RAD52: variants seen among roughly 807,000 people sequenced by gnomAD.
RAD52 encodes RAD52 DNA repair protein, also known as DNA repair protein RAD52 homolog.
A neutral mutation model predicts 55.5 loss-of-function variants in RAD52; 47 were observed. That is an observed-to-expected ratio of 0.85 (90% CI 0.67 to 1.08). The LOEUF (loss-of-function observed/expected upper bound fraction) is 1.08, where lower values mean the gene tolerates loss of function less well. Ranked by LOEUF, RAD52 falls within the 50% of genes least tolerant of loss-of-function variation. The pLI, the probability that RAD52 is intolerant of heterozygous loss-of-function variation, is 0.00. For missense variants in RAD52, 468 were observed against 522.8 expected, an observed-to-expected ratio of 0.90 and a Z score of 1.02; for synonymous variants, 184 against 198.9, an observed-to-expected ratio of 0.92 and a Z score of 0.63.
chr12:943,129 C>T (rs1359968242), intron 1 of RAD52, among the ~76,000 whole-genome samples: 3 of 152,182 alleles, frequency 2.0e-5, no homozygotes, highest in African/African-American at 7.2e-5. Context: ...CCATGACACA[C>T]CACACCCATC....
At chr12:928,700 G>A (rs992095847) in intron 5 of RAD52, among the ~76,000 whole-genome samples, 1 of 151,516 alleles carries the variant, frequency 6.6e-6, no homozygotes. Context: ...TCAAAATTTT[G>A]CTGTATTTAT....
chr12:926,826 C>T (rs1025892885), intron 6 of RAD52: 48 of 1,536,702 alleles, frequency 3.1e-5, no homozygotes, highest in Middle Eastern at 1.7e-4. Context: ...CTGAGGAGCA[C>T]GGAGAGGAGG....
chr12:936,060 T>C lies in RAD52; in HGVS notation c.-18-2984A>G, dbSNP rs552150091. On this transcript the variant is annotated intron_variant, in intron 1 of 11. Coordinates refer to ENST00000358495, the MANE Select transcript of RAD52 (RefSeq NM_134424.4). ...GGCTCACACTTGTAATCCCAGCACT[T>C]TGGGAGGCCCAGGCAGGTGGATAAC... Among the ~76,000 whole-genome samples, 9 of 151,954 alleles carry C rather than the reference T, an allele frequency of 5.9e-5. No individual in the cohort carries two copies. In the East Asian group the frequency reaches 1.8e-3, roughly 30 times the overall value.
At chr12:936,397 C>T (rs1003309418) in intron 1 of RAD52, among the ~76,000 whole-genome samples, 3 of 150,644 alleles carry the variant, frequency 2.0e-5, no homozygotes, top group Non-Finnish European at 2.9e-5. Flanking sequence ...TATTTTTTGC[C>T]TTTTTTGCTC....
chr12:945,348 C>CAAA (rs202144770), intron 1 of RAD52, among the ~76,000 whole-genome samples: 2 of 139,224 alleles, frequency 1.4e-5, no homozygotes, highest in African/African-American at 2.6e-5. Context: ...GACTCTGTCT[C>CAAA]AAAAAAAAAA....
intron 1 of RAD52, among the ~76,000 whole-genome samples, chr12:960,897 G>A (rs1421305482): frequency 2.0e-5 from 3 of 152,146 alleles, no homozygotes; most frequent in Admixed American, 6.6e-5. Context: ...GAAGTCATTG[G>A]TACACAGATA....
At chr12:985,885 C>T (rs1268792842) in intron 1 of RAD52, among the ~76,000 whole-genome samples, 1 of 151,852 alleles carries the variant, frequency 6.6e-6, no homozygotes, top group Non-Finnish European at 1.5e-5. Context: ...GGTGATCCAC[C>T]CGCCTTGGCC....
chr12:938,002 G>A (rs1957727929), intron 1 of RAD52, among the ~76,000 whole-genome samples: 2 of 152,066 alleles, frequency 1.3e-5, no homozygotes, highest in African/African-American at 4.8e-5. Flanking sequence ...GTGGCAACAG[G>A]CTTGAAAACT....
chr12:966,033 G>A (rs1958762315), intron 1 of RAD52, among the ~76,000 whole-genome samples: 1 of 152,062 alleles, frequency 6.6e-6, no homozygotes, highest in African/African-American at 2.4e-5. Context: ...CTGGAGTGCA[G>A]TGGCACGATC....
At chr12:942,946 CAGGAT>C (rs980102248) in intron 1 of RAD52, among the ~76,000 whole-genome samples, 1 of 151,980 alleles carries the variant, frequency 6.6e-6, no homozygotes, top group Non-Finnish European at 1.5e-5. Flanking sequence ...GACAGGTAAC[CAGGAT>C]ATAAAGGTTA....
intron 1 of RAD52, among the ~76,000 whole-genome samples, chr12:939,143 G>A (rs929517198): frequency 6.6e-6 from 1 of 151,346 alleles, no homozygotes; most frequent in African/African-American, 2.4e-5. Flanking sequence ...GAACCTAGGT[G>A]AAGGATATGC....
chr12:966,898 C>T (rs889037898), intron 1 of RAD52, among the ~76,000 whole-genome samples: 5 of 151,676 alleles, frequency 3.3e-5, no homozygotes, highest in African/African-American at 4.9e-5. Flanking sequence ...TTTACTGTTG[C>T]GTCACAAGGT....
intron 11 of RAD52, among the ~76,000 whole-genome samples, chr12:913,668 C>T (rs1355416917): frequency 3.3e-5 from 5 of 152,160 alleles, no homozygotes; most frequent in Admixed American, 2.6e-4. Context: ...CAGTCGTTTC[C>T]GCTTCCTGCT....
chr12:954,273 T>C (rs989495397), upstream of RAD52, among the ~76,000 whole-genome samples: 4 of 152,226 alleles, frequency 2.6e-5, no homozygotes, highest in Non-Finnish European at 5.9e-5. Flanking sequence ...TATCTTCTCT[T>C]ACTCTGTTAG....
upstream of RAD52, among the ~76,000 whole-genome samples, chr12:951,288 T>G (rs982611899): frequency 6.6e-6 from 1 of 152,042 alleles, no homozygotes. Context: ...AATCTAAAAT[T>G]TTTTTGTAGA....
intron 3 of RAD52, among the ~76,000 whole-genome samples, chr12:930,812 A>G (rs931996234): frequency 6.6e-6 from 1 of 151,920 alleles, no homozygotes; most frequent in Non-Finnish European, 1.5e-5. Flanking sequence ...ACAGAACATT[A>G]AAAAATTAAC....
chr12:944,621 A>ACG (rs1555177732), intron 1 of RAD52, among the ~76,000 whole-genome samples: 1 of 116,640 alleles, frequency 8.6e-6, no homozygotes, highest in Non-Finnish European at 2.1e-5. Context: ...AAAAAAAAAA[A>ACG]AAAAAAACTC....
chr12:968,746 C>A (rs573944579), intron 1 of RAD52, among the ~76,000 whole-genome samples: 45 of 152,160 alleles, frequency 3.0e-4, no homozygotes, highest in African/African-American at 8.4e-4. Context: ...TGTGCATGCC[C>A]AGCAAAGATC....
At chr12:984,281 C>T (rs1401212191) in intron 1 of RAD52, among the ~76,000 whole-genome samples, 2 of 152,086 alleles carry the variant, frequency 1.3e-5, no homozygotes, top group African/African-American at 2.4e-5. Flanking sequence ...CTGCAACCTC[C>T]GCCTCCCGGG....
Sources: gnomAD v4.1 joint callset for allele counts (sites outside exome capture counted in the v4.1 genomes callset) on GRCh38, gnomAD v4.1.1 for gene constraint, MANE v1.5 for transcripts, NCBI Gene and HGNC (gene_info 2026-07-23, HGNC 2026-07-21) for gene names.